Variants in COX4I2 observed in about 807,000 individuals in gnomAD.
COX4I2 encodes the protein cytochrome c oxidase subunit 4 isoform 2, mitochondrial.
COX4I2 carries 15 observed loss-of-function variants against 20.8 expected under a neutral mutation model. The ratio of observed to expected loss-of-function variants is 0.72; its 90% CI spans 0.48 to 1.11. The LOEUF (loss-of-function observed/expected upper bound fraction) is 1.11. COX4I2 is among the 50% of genes most tolerant of loss of function. The pLI, the probability that COX4I2 is intolerant of heterozygous loss-of-function variation, is 0.00. For missense variants in COX4I2, 224 were observed against 223.0 expected, an observed-to-expected ratio of 1.00 and a Z score of -0.03; for synonymous variants, 80 against 78.1, an observed-to-expected ratio of 1.02 and a Z score of -0.13.
rs1568831074 is a variant in COX4I2 at position 31,637,957 on chromosome 20, C to T, written c.-6C>T. 1 of 152,142 alleles carries T rather than the reference C, an allele frequency of 6.6e-6. No homozygotes were observed. The highest frequency in any genetic ancestry group is 6.5e-5 in the Admixed American group (1 of 15,282). 9.4% of individuals were successfully genotyped at this position (152,142 alleles called of 1,614,324 possible). A position where few individuals can be genotyped will look rare whatever the true frequency, so the allele number is the denominator to read the frequency against. On this transcript the variant is annotated 5_prime_UTR_variant, in exon 1 of 5. Transcript: ENST00000376075. The stretch of plus-strand genomic sequence containing the variant: ...CAGGTCGCGCTCCCACTGCCGAGCC[C>T]GCGAGGTGAGTGAGTTGGGGGAGGA...
At chr20:31,641,106 C>T (rs528102288) in intron 3 of COX4I2, among the ~76,000 whole-genome samples, 1 of 151,876 alleles carries the variant, frequency 6.6e-6, no homozygotes, top group East Asian at 1.9e-4. Context: ...GGGTGTAGCA[C>T]ACCAACATGG....
At chr20:31,643,366 G>A (rs781340857) in intron 3 of COX4I2, 38 bp from the exon 4 acceptor site, 8 of 1,612,972 alleles carry the variant, frequency 5.0e-6, no homozygotes, top group South Asian at 1.1e-5. Flanking sequence ...TAGAGTGGAC[G>A]CACCTGAGGC....
chr20:31,639,395 G>A, intron 2 of COX4I2: 2 of 560,478 alleles, frequency 3.6e-6, no homozygotes, highest in Non-Finnish European at 4.5e-6. Context: ...CTTGGACCCT[G>A]ATTCCTCCTT....
rs2295428 is a variant in COX4I2 at position 31,638,915 on chromosome 20, A to C, written c.1-103A>C. The C allele has an allele frequency of 4.5e-5, 53 of 1,188,302 alleles. No homozygotes were observed. In the East Asian group the frequency reaches 1.4e-3, roughly 30 times the overall value. The allele number at this position is 1,188,302 out of a possible 1,614,324, so 73.6% of individuals were successfully genotyped here. ...GACCTTGAAACACTGGGACACCCCT[A>C]CCACTACCATACCAGTGGAAAAGGA... On this transcript the variant is annotated intron_variant, in intron 1 of 4. Transcript: ENST00000376075.
rs755756986 is a variant in COX4I2 at position 31,644,789 on chromosome 20, C to A, written c.401C>A (p.Thr134Asn). The A allele has an allele frequency of 1.9e-6, 3 of 1,614,106 alleles. No individual in the cohort carries two copies. Among genetic ancestry groups the A allele is most frequent in the Non-Finnish European group, 2.5e-6 (3 of 1,180,020 alleles). The change falls in exon 5 of 5, where the codon ACC becomes AAC. Residue 134 changes from threonine to asparagine, a missense_variant. By Grantham distance (65) the Thr-to-Asn change is moderately conservative. Coordinates refer to ENST00000376075, the MANE Select transcript of COX4I2 (RefSeq NM_032609.3). ...GCAGTATTTCCTCCAAAGCCGATCACCTTGACGGACGAGCGGAAAGCCCAG... is the reference window on the plus strand; with the variant it reads ...GCAGTATTTCCTCCAAAGCCGATCAACTTGACGGACGAGCGGAAAGCCCAG... Reference protein sequence around the residue: ...RVYVFPPKPITLTDERKAQQL... With the variant: ...RVYVFPPKPINLTDERKAQQL...
At chr20:31,640,785 G>A (rs189758003) in intron 3 of COX4I2, among the ~76,000 whole-genome samples, 1 of 152,118 alleles carries the variant, frequency 6.6e-6, no homozygotes, top group African/African-American at 2.4e-5. Flanking sequence ...AGTGGGGAAA[G>A]GTTCATGCTT....
Position 31,644,958 on chromosome 20 carries a change from G to A in COX4I2, c.*54G>A, listed in dbSNP as rs897887212. ...TCCGCCCTGGCTGGGAGCCTCTGGC[G>A]GCCCCTCCCCTCCCCTGCCCTTAAC... On this transcript the variant is annotated 3_prime_UTR_variant, in exon 5 of 5. Transcript: ENST00000376075. 2.3e-5 allele frequency: 37 copies of A among 1,596,976 alleles called. No homozygotes were observed. In the South Asian group the frequency reaches 3.2e-4, roughly 14 times the overall value.
chr20:31,640,246 C>G, intron 3 of COX4I2, 149 bp downstream of exon 3: 1 of 811,080 alleles, frequency 1.2e-6, no homozygotes, highest in Non-Finnish European at 1.9e-6. Flanking sequence ...TGCCTTTGTT[C>G]GTTTCTTTAT....
chr20:31,640,969 A>ACACACACT (rs2060464623), intron 3 of COX4I2, among the ~76,000 whole-genome samples: 1 of 150,032 alleles, frequency 6.7e-6, no homozygotes, highest in Admixed American at 6.7e-5. Flanking sequence ...ACACACACAC[A>ACACACACT]CACACACACA....
In COX4I2 at chr20:31,639,921, TTG is replaced by T. The variant is rs528430338; in HGVS notation, c.83-8_83-7del. 12,108 of 1,613,788 alleles carry T rather than the reference TTG, an allele frequency of 7.5e-3. 72 individuals are homozygous for T. The highest frequency in any genetic ancestry group is 9.4e-3 in the Non-Finnish European group (11,038 of 1,179,834). On this transcript the variant is annotated splice_polypyrimidine_tract_variant and intron_variant, in intron 2 of 4. Transcript: ENST00000376075. ...GGCAGCCTGGACTCAGCTCCCTCCA[TTG>T]TGTCTGCAGCCCGTGGTGGGGGGAA... is the stretch of plus-strand genomic sequence containing the variant.
chr20:31,641,503 C>G (rs567763009), intron 3 of COX4I2, among the ~76,000 whole-genome samples: 2 of 152,268 alleles, frequency 1.3e-5, no homozygotes, highest in Non-Finnish European at 2.9e-5. Flanking sequence ...CTCTCGTTAG[C>G]TCACATTTGA....
At chr20:31,640,954 TAC>T (rs35214276) in intron 3 of COX4I2, among the ~76,000 whole-genome samples, 24,372 of 133,344 alleles carry the variant, frequency 0.18, 2,265 homozygotes, top group Middle Eastern at 0.22. Flanking sequence ...TCTCTCTTTC[TAC>T]ACACACACAC....
intron 2 of COX4I2, 90 bp downstream of exon 2, chr20:31,639,189 A>G (rs1600717668): frequency 6.5e-7 from 1 of 1,544,812 alleles, no homozygotes; most frequent in East Asian, 2.4e-5. Context: ...CTTCCATGCC[A>G]CCCTGGGCCT....
Position 31,639,803 on chromosome 20 carries a change from G to C in COX4I2, c.83-130G>C, listed in dbSNP as rs993949981. On this transcript the variant is annotated intron_variant, in intron 2 of 4. Transcript: ENST00000376075. ...GAACTCCTGACCTCGTGATCCACCC[G>C]CCTCAGCCTCCCAAAATGCTAGGAT... The C allele has an allele frequency of 1.3e-5, 13 of 966,432 alleles. No homozygotes were observed. In the South Asian group the frequency reaches 1.8e-4, roughly 13 times the overall value. 59.9% of individuals were successfully genotyped at this position (966,432 alleles called of 1,614,324 possible). A position where few individuals can be genotyped will look rare whatever the true frequency, so the allele number is the denominator to read the frequency against.
At chr20:31,639,619 G>A (rs902587296) in intron 2 of COX4I2, among the ~76,000 whole-genome samples, 1 of 143,230 alleles carries the variant, frequency 7.0e-6, no homozygotes, top group East Asian at 1.9e-4. Context: ...GTTCAGTGGC[G>A]CAATGTCGGC....
chr20:31,643,585 G>A, intron 4 of COX4I2, 50 bp downstream of exon 4: 1 of 1,611,400 alleles, frequency 6.2e-7, no homozygotes, highest in Non-Finnish European at 8.5e-7. Flanking sequence ...TGCCCTTGTG[G>A]TCACGGCCAC....
intron 3 of COX4I2, among the ~76,000 whole-genome samples, chr20:31,640,945 CTCTCTT>C (rs1261006769): frequency 1.4e-5 from 2 of 139,248 alleles, no homozygotes; most frequent in African/African-American, 5.5e-5. Flanking sequence ...TTCTCTCTCT[CTCTCTT>C]TCTACACACA....
chr20:31,643,529 G>T lies in COX4I2; in HGVS notation c.373G>T (p.Val125Phe), dbSNP rs1156257970. The change falls in exon 4 of 5, where the codon GTC becomes TTC. Residue 125 changes from valine to phenylalanine, a missense_variant. Transcript: ENST00000376075. Reference sequence around the variant, plus strand: ...AGCTCTGGTGATTTGGTGGCAGCGGGTCTACGGTGAGTGGCAACACCTCAT... The same window carrying T: ...AGCTCTGGTGATTTGGTGGCAGCGGTTCTACGGTGAGTGGCAACACCTCAT... ...FAALVIWWQR[V>F]YVFPPKPITL... is the part of the protein sequence containing the mutation. 3 of 1,614,050 alleles carry T rather than the reference G, an allele frequency of 1.9e-6. No homozygotes were observed. The highest frequency in any genetic ancestry group is 2.5e-6 in the Non-Finnish European group (3 of 1,180,026).
chr20:31,642,104 C>T (rs551668915), intron 3 of COX4I2, among the ~76,000 whole-genome samples: 10 of 152,306 alleles, frequency 6.6e-5, no homozygotes, highest in East Asian at 1.9e-4. Flanking sequence ...TCTCCTGCCT[C>T]GGCCTCCCAA....
Sources: gnomAD v4.1 joint callset for allele counts (sites outside exome capture counted in the v4.1 genomes callset) on GRCh38, gnomAD v4.1.1 for gene constraint, MANE v1.5 for transcripts, NCBI Gene and HGNC (gene_info 2026-07-23, HGNC 2026-07-21) for gene names.